Variants in SFT2D1 observed in about 807,000 individuals in gnomAD.
The protein encoded by SFT2D1 is SFT2 domain containing 1.
Under a neutral mutation model 28.1 loss-of-function variants are expected in SFT2D1, and 24 were observed. The ratio of observed to expected loss-of-function variants is 0.85; its 90% CI spans 0.62 to 1.20. SFT2D1 has a LOEUF of 1.20. Ranked by LOEUF, SFT2D1 falls within the 50% of genes most tolerant of loss-of-function variation. The pLI, the probability that SFT2D1 is intolerant of heterozygous loss-of-function variation, is 0.00. For synonymous variants in SFT2D1, 82 were observed against 73.7 expected, an observed-to-expected ratio of 1.11 and a Z score of -0.58; for missense variants, 181 against 190.9, an observed-to-expected ratio of 0.95 and a Z score of 0.31.
At chr6:166,339,306 C>T (rs1157938965) in intron 1 of SFT2D1, among the ~76,000 whole-genome samples, 1 of 152,102 alleles carries the variant, frequency 6.6e-6, no homozygotes, top group East Asian at 1.9e-4. Flanking sequence ...CACTTCCTGC[C>T]CCTTCCTCCT....
At chr6:166,339,912 G>C (rs1778744330) in intron 1 of SFT2D1, among the ~76,000 whole-genome samples, 1 of 152,152 alleles carries the variant, frequency 6.6e-6, no homozygotes, top group Non-Finnish European at 1.5e-5. Context: ...ACGTCCAACT[G>C]CTTTCCTCAC....
At chr6:166,332,270 A>C (rs768877087) in intron 1 of SFT2D1, among the ~76,000 whole-genome samples, 1 of 152,210 alleles carries the variant, frequency 6.6e-6, no homozygotes, top group Non-Finnish European at 1.5e-5. Flanking sequence ...ACGTCTGCTT[A>C]TCACAAGCAT....
intron 1 of SFT2D1, among the ~76,000 whole-genome samples, chr6:166,330,832 AC>A (rs1229914527): frequency 4.6e-5 from 7 of 152,132 alleles, no homozygotes; most frequent in Non-Finnish European, 1.0e-4. Context: ...GGGTGACTGC[AC>A]CCCATGGAGG....
At position 166,329,340 on chromosome 6, in the gene SFT2D1, G is replaced by A. The variant is rs183917248; in HGVS notation, c.233+167C>T. Among the ~76,000 whole-genome samples, 312 of 152,330 alleles carry A rather than the reference G, an allele frequency of 2.0e-3. 1 individual carries two copies. The highest frequency in any genetic ancestry group is 7.2e-3 in the African/African-American group (299 of 41,568). On this transcript the variant is annotated intron_variant, in intron 3 of 7. Transcript: ENST00000361731. ...AGCACTAATACCGTCTGTTATGGGA[G>A]ACGGCATACAGCAGCAGTCAATACA... is the stretch of plus-strand genomic sequence containing the variant.
chr6:166,326,991 A>G (rs980137712), intron 4 of SFT2D1, among the ~76,000 whole-genome samples: 1 of 152,240 alleles, frequency 6.6e-6, no homozygotes, highest in Non-Finnish European at 1.5e-5. Flanking sequence ...CTATTATAGG[A>G]AATTCAAAAT....
intron 5 of SFT2D1, among the ~76,000 whole-genome samples, chr6:166,325,630 C>T (rs1022222001): frequency 6.6e-6 from 1 of 152,246 alleles, no homozygotes; most frequent in Non-Finnish European, 1.5e-5. Context: ...CACAGCGCAC[C>T]CCTGCAGCAG....
chr6:166,320,050 G>A lies in SFT2D1; in HGVS notation c.*167C>T. The A allele has an allele frequency of 1.7e-6, 1 of 590,118 alleles. No homozygotes were observed. The highest frequency in any genetic ancestry group is 3.0e-6 in the Non-Finnish European group (1 of 331,992). 36.6% of individuals were successfully genotyped at this position (590,118 alleles called of 1,614,324 possible). A position where few individuals can be genotyped will look rare whatever the true frequency, so the allele number is the denominator to read the frequency against. On this transcript the variant is annotated 3_prime_UTR_variant, in exon 8 of 8. Coordinates refer to ENST00000361731, the MANE Select transcript of SFT2D1 (RefSeq NM_145169.3). The stretch of plus-strand genomic sequence containing the variant: ...GAATTTAAAGTTACAAGCATTTAAT[G>A]GTTTAATCAAGCATGTAGTTTTTAC...
chr6:166,320,397 C>T, intron 7 of SFT2D1, 141 bp from the exon 8 acceptor site: 1 of 649,574 alleles, frequency 1.5e-6, no homozygotes, highest in Non-Finnish European at 2.6e-6. Flanking sequence ...AAACTTTGTT[C>T]AGTATCATTT....
chr6:166,330,115 C>T (rs181987230), intron 2 of SFT2D1, 46 bp downstream of exon 2: 12 of 1,389,606 alleles, frequency 8.6e-6, no homozygotes, highest in Admixed American at 8.3e-5. Flanking sequence ...AATTATTAGT[C>T]TAATACAAAA....
At chr6:166,332,924 G>A (rs953534942) in intron 1 of SFT2D1, among the ~76,000 whole-genome samples, 5 of 152,282 alleles carry the variant, frequency 3.3e-5, no homozygotes, top group African/African-American at 9.6e-5. Context: ...CAGCACAGCC[G>A]AAACCCACCC....
chr6:166,333,841 C>A (rs1225062372), intron 1 of SFT2D1, among the ~76,000 whole-genome samples: 1 of 152,204 alleles, frequency 6.6e-6, no homozygotes, highest in Non-Finnish European at 1.5e-5. Context: ...GACAACTTCC[C>A]CTACTTCACA....
intron 2 of SFT2D1, among the ~76,000 whole-genome samples, 175 bp from the exon 3 acceptor site, chr6:166,329,764 A>T (rs1035082394): frequency 3.9e-5 from 6 of 152,222 alleles, no homozygotes; most frequent in Non-Finnish European, 5.9e-5. Context: ...TCAATGTTAT[A>T]CACTAACTTG....
chr6:166,329,742 AAT>A (rs1778515876), intron 2 of SFT2D1, among the ~76,000 whole-genome samples, 153 bp from the exon 3 acceptor site: 1 of 152,262 alleles, frequency 6.6e-6, no homozygotes, highest in Non-Finnish European at 1.5e-5. Context: ...ACACAGAAAA[AAT>A]AGTTAATTTT....
chr6:166,325,897 G>T, intron 5 of SFT2D1: 1 of 559,396 alleles, frequency 1.8e-6, no homozygotes, highest in Non-Finnish European at 3.2e-6. Context: ...CCAGCTGGGT[G>T]GGTGAGCATG....
chr6:166,332,199 G>C (rs1172308495), intron 1 of SFT2D1, among the ~76,000 whole-genome samples: 1 of 152,168 alleles, frequency 6.6e-6, no homozygotes, highest in Non-Finnish European at 1.5e-5. Flanking sequence ...ACTGTGATAT[G>C]CTTCAACATG....
At chr6:166,324,905 T>C (rs1350993258) in intron 5 of SFT2D1, among the ~76,000 whole-genome samples, 2 of 152,252 alleles carry the variant, frequency 1.3e-5, no homozygotes, top group Non-Finnish European at 2.9e-5. Context: ...TTAAAGTCAA[T>C]GTTAACTTAT....
intron 1 of SFT2D1, among the ~76,000 whole-genome samples, chr6:166,337,645 T>TA (rs1478592616): frequency 1.3e-5 from 2 of 152,188 alleles, no homozygotes; most frequent in African/African-American, 4.8e-5. Flanking sequence ...TAGGTATACT[T>TA]ACAATCTTCT....
In SFT2D1 at chr6:166,320,031, A is replaced by C; in HGVS notation, c.*186T>G. The C allele has an allele frequency of 1.8e-6, 1 of 561,682 alleles. No homozygotes were observed. The highest frequency in any genetic ancestry group is 3.2e-6 in the Non-Finnish European group (1 of 317,150). The allele number at this position is 561,682 out of a possible 1,614,324, so 34.8% of individuals were successfully genotyped here. ...TATATTAATGACACATAATGAATTT[A>C]AAGTTACAAGCATTTAATGGTTTAA... On this transcript the variant is annotated 3_prime_UTR_variant, in exon 8 of 8. Coordinates refer to ENST00000361731, the MANE Select transcript of SFT2D1 (RefSeq NM_145169.3).
intron 1 of SFT2D1, among the ~76,000 whole-genome samples, chr6:166,342,164 A>G (rs1185407437): frequency 1.3e-5 from 2 of 152,018 alleles, no homozygotes; most frequent in African/African-American, 4.8e-5. Context: ...GGCAGACGTT[A>G]GCGGATTCCT....
Sources: gnomAD v4.1 joint callset for allele counts (sites outside exome capture counted in the v4.1 genomes callset) on GRCh38, gnomAD v4.1.1 for gene constraint, MANE v1.5 for transcripts, NCBI Gene and HGNC (gene_info 2026-07-23, HGNC 2026-07-21) for gene names.